Variants in TBCEL observed in about 807,000 individuals in gnomAD.
TBCEL encodes the protein tubulin folding cofactor E like, also known as tubulin-specific chaperone cofactor E-like protein.
A neutral mutation model predicts 44.2 loss-of-function variants in TBCEL; 15 were observed. The ratio of observed to expected loss-of-function variants is 0.34; its 90% CI spans 0.23 to 0.52. The LOEUF (loss-of-function observed/expected upper bound fraction) is 0.52, where lower values mean the gene tolerates loss of function less well. Ranked by LOEUF, TBCEL falls within the 20% of genes least tolerant of loss-of-function variation. The pLI, the probability that TBCEL is intolerant of heterozygous loss-of-function variation, is 0.95. For missense variants in TBCEL, 319 were observed against 506.3 expected (o/e 0.63, Z 3.55); for synonymous variants, 171 against 185.4 (o/e 0.92, Z 0.63).
In TBCEL at chr11:121,026,369, G is replaced by A. The variant is rs538776647; in HGVS notation, c.-126+2078G>A. Among the ~76,000 whole-genome samples, 21 of 152,356 alleles carry A rather than the reference G, an allele frequency of 1.4e-4. No individual in the cohort carries two copies. The South Asian group carries it at 4.4e-3, about 32-fold the overall frequency. ...TTCATGTAATGTTAAATGTTGTAAT[G>A]TTAAAGTCCTTTGAAAAGTTGTTAC... On this transcript the variant is annotated intron_variant, in intron 1 of 8. Coordinates refer to ENST00000683345, the MANE Select transcript of TBCEL (RefSeq NM_001363644.2).
At chr11:121,025,735 TA>T (rs1945035080) in intron 1 of TBCEL, among the ~76,000 whole-genome samples, 1 of 151,864 alleles carries the variant, frequency 6.6e-6, no homozygotes, top group South Asian at 2.1e-4. Flanking sequence ...TTTTTTATTT[TA>T]TTTTGGCCGG....
At position 121,040,938 on chromosome 11, in the gene TBCEL, G is replaced by A. The variant is rs544359623; in HGVS notation, c.-18+4326G>A. Among the ~76,000 whole-genome samples the A allele has an allele frequency of 3.6e-4, 55 of 152,238 alleles. 3 individuals carry two copies. The South Asian group carries it at 6.4e-3, about 18-fold the overall frequency. On this transcript the variant is annotated intron_variant, in intron 2 of 8. Coordinates refer to ENST00000683345, the MANE Select transcript of TBCEL (RefSeq NM_001363644.2). ...TTTCTATTTTATCCTTCCGGAGATA[G>A]TCTATGCATATACAAGCAGATAAAT...
intron 8 of TBCEL, among the ~76,000 whole-genome samples, chr11:121,067,135 A>G (rs1223500770): frequency 1.3e-5 from 2 of 152,222 alleles, no homozygotes; most frequent in Non-Finnish European, 2.9e-5. Context: ...GAGGTTATGA[A>G]TAAAGAGCCG....
chr11:121,060,132 A>G (rs1218097893), intron 8 of TBCEL, 47 bp downstream of exon 8: 1 of 1,378,438 alleles, frequency 7.3e-7, no homozygotes, highest in Admixed American at 1.7e-5. Flanking sequence ...TGGTGATGCC[A>G]GTTAAGAACT....
intron 5 of TBCEL, chr11:121,054,731 A>G (rs1945589875): frequency 5.3e-6 from 1 of 188,644 alleles, no homozygotes; most frequent in South Asian, 1.9e-4. Flanking sequence ...TGATTATTCT[A>G]AGTATAATTT....
chr11:121,070,179 C>T (rs574449077), intron 8 of TBCEL, among the ~76,000 whole-genome samples: 17 of 152,182 alleles, frequency 1.1e-4, no homozygotes, highest in South Asian at 2.1e-4. Context: ...GTTAGAATGG[C>T]GATCATTAAA....
chr11:121,053,539 T>C lies in TBCEL; in HGVS notation c.274-12T>C. The C allele has an allele frequency of 6.2e-7, 1 of 1,610,200 alleles. No individual in the cohort carries two copies. The highest frequency in any genetic ancestry group is 8.5e-7 in the Non-Finnish European group (1 of 1,177,760). On this transcript the variant is annotated splice_polypyrimidine_tract_variant and intron_variant, in intron 4 of 8. Coordinates refer to ENST00000683345, the MANE Select transcript of TBCEL (RefSeq NM_001363644.2). ...TTACTGCCTGATAATGCTTTTCTTT[T>C]TTTCTCCTTAGGTCAGTAAAATTGT...
chr11:121,075,823 T>C (rs1459543878), intron 8 of TBCEL, among the ~76,000 whole-genome samples: 1 of 151,984 alleles, frequency 6.6e-6, no homozygotes, highest in African/African-American at 2.4e-5. Context: ...ACTTAGATAG[T>C]ATAGTCTACT....
In TBCEL at chr11:121,024,165, G is replaced by T. The variant is rs1945000537; in HGVS notation, c.-252G>T. ...AGAGTGGGGGACTAGGTGAAGCGGC[G>T]CCGGGCCGGGGCTGGCCGGGACCAG... On this transcript the variant is annotated 5_prime_UTR_variant, in exon 1 of 9. Coordinates refer to ENST00000683345, the MANE Select transcript of TBCEL (RefSeq NM_001363644.2). The T allele has an allele frequency of 6.5e-6, 1 of 153,220 alleles. No individual in the cohort carries two copies. Among genetic ancestry groups the T allele is most frequent in the Admixed American group, 6.5e-5 (1 of 15,292 alleles). 9.5% of individuals were successfully genotyped at this position (153,220 alleles called of 1,614,324 possible).
intron 1 of TBCEL, among the ~76,000 whole-genome samples, chr11:121,024,533 G>GCTGGC: frequency 6.6e-6 from 1 of 151,662 alleles, no homozygotes; most frequent in African/African-American, 2.4e-5. Flanking sequence ...CTTGGGCTGG[G>GCTGGC]CTGGGCTGGG....
chr11:121,047,895 A>C, intron 4 of TBCEL: 1 of 401,592 alleles, frequency 2.5e-6, no homozygotes, highest in Non-Finnish European at 4.4e-6. Context: ...CAGGAATTCA[A>C]GACCAGTCTG....
At chr11:121,026,139 A>G (rs1300555438) in intron 1 of TBCEL, among the ~76,000 whole-genome samples, 1 of 152,228 alleles carries the variant, frequency 6.6e-6, no homozygotes, top group Non-Finnish European at 1.5e-5. Flanking sequence ...AAAATACACG[A>G]TAAAATATAT....
chr11:121,028,121 C>CTT (rs142008980), intron 1 of TBCEL, among the ~76,000 whole-genome samples: 31,101 of 151,854 alleles, frequency 0.2, 3,364 homozygotes, highest in East Asian at 0.33. Flanking sequence ...CAGAGGATCA[C>CTT]GAGCCTCAGA....
At chr11:121,062,948 A>G (rs1945751353) in intron 8 of TBCEL, among the ~76,000 whole-genome samples, 1 of 151,964 alleles carries the variant, frequency 6.6e-6, no homozygotes, top group African/African-American at 2.4e-5. Flanking sequence ...ATAATCTCTC[A>G]CTGTCCTTTT....
intron 2 of TBCEL, among the ~76,000 whole-genome samples, chr11:121,043,242 G>A (rs1463996579): frequency 1.3e-5 from 2 of 151,960 alleles, no homozygotes; most frequent in Non-Finnish European, 2.9e-5. Flanking sequence ...TTTAATACTC[G>A]GCAACGTTTA....
At position 121,087,603 on chromosome 11, in the gene TBCEL, T is replaced by C. The variant is rs1200465068; in HGVS notation, c.*507T>C. On this transcript the variant is annotated 3_prime_UTR_variant, in exon 9 of 9. Transcript: ENST00000683345. Reference sequence around the variant, plus strand: ...TCCATTTTTTTTTCATTTTGACATGTGGTTTACCTAATAGTTTTGTTCTGT... The same window carrying C: ...TCCATTTTTTTTTCATTTTGACATGCGGTTTACCTAATAGTTTTGTTCTGT... 6.5e-6 allele frequency: 1 copy of C among 154,146 alleles called. No homozygotes were observed. The highest frequency in any genetic ancestry group is 1.4e-5 in the Non-Finnish European group (1 of 69,522). 9.5% of individuals were successfully genotyped at this position (154,146 alleles called of 1,614,324 possible). A position where few individuals can be genotyped will look rare whatever the true frequency, so the allele number is the denominator to read the frequency against.
intron 7 of TBCEL, 86 bp downstream of exon 7, chr11:121,058,557 C>G: frequency 6.6e-7 from 1 of 1,503,906 alleles, no homozygotes; most frequent in Non-Finnish European, 9.1e-7. Context: ...TGGGAGTGCA[C>G]TATGAAATTA....
At chr11:121,078,541 CT>C (rs1946071229) in intron 8 of TBCEL, among the ~76,000 whole-genome samples, 2 of 152,128 alleles carry the variant, frequency 1.3e-5, no homozygotes, top group Non-Finnish European at 2.9e-5. Flanking sequence ...CTTTTTATTC[CT>C]TTACTTATTA....
At chr11:121,033,970 T>A (rs1034575486) in intron 1 of TBCEL, among the ~76,000 whole-genome samples, 3 of 151,712 alleles carry the variant, frequency 2.0e-5, no homozygotes, top group African/African-American at 7.3e-5. Flanking sequence ...ATGTGTCAAA[T>A]TTTTTTTTAA....
Sources: allele counts gnomAD v4.1 joint callset (sites outside exome capture counted in the v4.1 genomes callset), GRCh38; gene constraint gnomAD v4.1.1; transcripts MANE v1.5; gene names NCBI Gene and HGNC (gene_info 2026-07-23, HGNC 2026-07-21).